The following HDAC9 variants were observed in gnomAD, a reference collection of about 807,000 sequenced individuals.
HDAC9 encodes histone deacetylase 9, also known as MEF-2 interacting transcription repressor (MITR) protein.
A neutral mutation model predicts 139.4 loss-of-function variants in HDAC9; 41 were observed. The observed-to-expected ratio is 0.29, with a 90% CI of 0.23 to 0.38. The LOEUF is 0.38. HDAC9 is among the 10% of genes least tolerant of loss of function. The pLI, the probability that HDAC9 is intolerant of heterozygous loss-of-function variation, is 1.00. For synonymous variants in HDAC9, 517 were observed against 476.2 expected (o/e 1.09, Z -1.12); for missense variants, 1,147 against 1,297.0 (o/e 0.88, Z 1.78).
chr7:18,869,140 C>A (rs1159016618), intron 21 of HDAC9, among the ~76,000 whole-genome samples: 1 of 140,314 alleles, frequency 7.1e-6, no homozygotes, highest in Non-Finnish European at 1.5e-5. Flanking sequence ...CCTGGACTCA[C>A]AATTGGGGTG....
At chr7:18,676,539 T>G (rs999576976) in intron 12 of HDAC9, among the ~76,000 whole-genome samples, 6 of 152,036 alleles carry the variant, frequency 3.9e-5, no homozygotes, top group African/African-American at 1.4e-4. Flanking sequence ...TTAGATATAT[T>G]TTGGTCATGA....
intron 2 of HDAC9, among the ~76,000 whole-genome samples, chr7:18,249,524 CAAAA>C (rs1417150363): frequency 5.9e-4 from 29 of 49,012 alleles, no homozygotes; most frequent in Non-Finnish European, 1.5e-3. Context: ...AAAAAAAAAA[CAAAA>C]AAAAAACTTT....
intron 1 of HDAC9, among the ~76,000 whole-genome samples, chr7:18,350,134 T>C (rs962066259): frequency 2.0e-5 from 3 of 152,186 alleles, no homozygotes; most frequent in Non-Finnish European, 4.4e-5. Context: ...TTCAGAATTA[T>C]TGTACCTGTG....
intron 2 of HDAC9, among the ~76,000 whole-genome samples, chr7:18,272,965 CTAT>C (rs1444521164): frequency 3.1e-5 from 4 of 130,538 alleles, no homozygotes; most frequent in Admixed American, 7.9e-5. Context: ...ACTACTACTA[CTAT>C]TTCTTCCTCC....
chr7:18,671,778 G>A (rs1336318999), intron 12 of HDAC9, among the ~76,000 whole-genome samples: 3 of 151,860 alleles, frequency 2.0e-5, no homozygotes, highest in Non-Finnish European at 4.4e-5. Context: ...ATATCTCTGT[G>A]GATTTGCCTA....
chr7:18,432,265 A>G (rs908888572), intron 1 of HDAC9, among the ~76,000 whole-genome samples: 1 of 152,136 alleles, frequency 6.6e-6, no homozygotes, highest in Non-Finnish European at 1.5e-5. Context: ...ATTGGGAAGC[A>G]TTTCTTTTTA....
intron 1 of HDAC9, among the ~76,000 whole-genome samples, chr7:18,120,036 T>G (rs926307945): frequency 6.6e-6 from 1 of 152,212 alleles, no homozygotes; most frequent in Non-Finnish European, 1.5e-5. Flanking sequence ...AGTTTGTATC[T>G]GGAAATCAGT....
intron 12 of HDAC9, among the ~76,000 whole-genome samples, chr7:18,701,351 A>G (rs1378045584): frequency 2.0e-5 from 3 of 151,760 alleles, no homozygotes; most frequent in Non-Finnish European, 4.4e-5. Flanking sequence ...ACATTTCAAA[A>G]TTCTCATGTC....
At chr7:18,658,393 G>A (rs73067100) in intron 11 of HDAC9, among the ~76,000 whole-genome samples, 19,089 of 152,114 alleles carry the variant, frequency 0.13, 1,773 homozygotes, top group East Asian at 0.4. Context: ...TGAAATATTA[G>A]CAAGTTTTGA....
At chr7:18,967,716 CATTTA>C (rs1266776328) in intron 24 of HDAC9, among the ~76,000 whole-genome samples, 2 of 152,220 alleles carry the variant, frequency 1.3e-5, no homozygotes, top group Non-Finnish European at 2.9e-5. Context: ...AAGTTAATGA[CATTTA>C]ATAACTCTTA....
At chr7:18,502,379 G>A (rs1428658707) in intron 2 of HDAC9, 1 of 152,174 alleles carries the variant, frequency 6.6e-6, no homozygotes, top group Non-Finnish European at 1.5e-5. Context: ...ACTGAGCTGG[G>A]AAGGCAGGAT....
chr7:18,827,428 T>C (rs925473224), intron 17 of HDAC9, among the ~76,000 whole-genome samples: 3 of 152,082 alleles, frequency 2.0e-5, no homozygotes, highest in Non-Finnish European at 4.4e-5. Context: ...AGATGAATTA[T>C]TTTCTAGAAA....
intron 8 of HDAC9, among the ~76,000 whole-genome samples, chr7:18,636,860 G>T (rs1439410426): frequency 7.3e-6 from 1 of 137,280 alleles, no homozygotes; most frequent in Non-Finnish European, 1.5e-5. Flanking sequence ...TCCAGGAAAA[G>T]AACAACTTGG....
chr7:18,343,434 T>C (rs1240862279), intron 1 of HDAC9, among the ~76,000 whole-genome samples: 3 of 151,838 alleles, frequency 2.0e-5, no homozygotes, highest in South Asian at 2.1e-4. Flanking sequence ...ATGGAAACAA[T>C]ATTAGGCATA....
At position 18,835,483 on chromosome 7, in the gene HDAC9, AC is replaced by A; in HGVS notation, c.2484del (p.Asn828LysfsTer46). On this transcript the variant is annotated frameshift_variant, in exon 20 of 26. Coordinates refer to ENST00000686413, the MANE Select transcript of HDAC9 (RefSeq NM_178425.4). LOFTEE classifies it high-confidence loss of function. ...LIVDLDVHHG[N>X]GTQQAFYADP... Reference sequence around the variant, plus strand: ...TCCCTGTAGGATGTTCACCATGGAAACGGTACCCAGCAGGCCTTTTATGCTG... The same window carrying A: ...TCCCTGTAGGATGTTCACCATGGAAAGGTACCCAGCAGGCCTTTTATGCTG... The A allele has an allele frequency of 6.2e-7, 1 of 1,613,352 alleles. No homozygotes were observed. The highest frequency in any genetic ancestry group is 8.5e-7 in the Non-Finnish European group (1 of 1,179,502).
At chr7:18,568,296 T>C (rs1716307678) in intron 2 of HDAC9, among the ~76,000 whole-genome samples, 1 of 152,052 alleles carries the variant, frequency 6.6e-6, no homozygotes, top group Non-Finnish European at 1.5e-5. Context: ...ATATTTACCA[T>C]ATTATTAAAT....
chr7:18,483,260 A>T (rs2128129415), intron 1 of HDAC9, among the ~76,000 whole-genome samples: 1 of 152,332 alleles, frequency 6.6e-6, no homozygotes, highest in South Asian at 2.1e-4. Flanking sequence ...ACAGGTAATG[A>T]TTGCTGAAAT....
At chr7:18,950,768 G>T (rs1242339252) in intron 23 of HDAC9, among the ~76,000 whole-genome samples, 1 of 151,858 alleles carries the variant, frequency 6.6e-6, no homozygotes, top group Non-Finnish European at 1.5e-5. Flanking sequence ...GCTTGGTAAG[G>T]TTTTACCAAT....
intron 2 of HDAC9, among the ~76,000 whole-genome samples, chr7:18,575,713 A>T (rs1021267835): frequency 6.6e-6 from 1 of 152,374 alleles, no homozygotes; most frequent in South Asian, 2.1e-4. Flanking sequence ...TGTAATTCAA[A>T]CAGTCAAAAA....
Sources: allele counts gnomAD v4.1 joint callset (sites outside exome capture counted in the v4.1 genomes callset), GRCh38; gene constraint gnomAD v4.1.1; transcripts MANE v1.5; gene names NCBI Gene and HGNC (gene_info 2026-07-23, HGNC 2026-07-21).